Variants in LIN7C observed in about 807,000 individuals in gnomAD.
LIN7C encodes the protein lin-7 cell polarity scaffold C.
Under a neutral mutation model 24.7 loss-of-function variants are expected in LIN7C, and 17 were observed. The ratio of observed to expected loss-of-function variants is 0.69; its 90% CI spans 0.47 to 1.03. The LOEUF (loss-of-function observed/expected upper bound fraction) is 1.03, where lower values mean the gene tolerates loss of function less well. LIN7C is among the 50% of genes least tolerant of loss of function. LIN7C has a pLI of 0.00. For missense variants in LIN7C, 204 were observed against 239.0 expected (o/e 0.85, Z 0.97); for synonymous variants, 90 against 83.4 (o/e 1.08, Z -0.43).
intron 3 of LIN7C, among the ~76,000 whole-genome samples, chr11:27,499,829 A>G (rs1190649656): frequency 1.3e-5 from 2 of 152,058 alleles, no homozygotes; most frequent in African/African-American, 2.4e-5. Flanking sequence ...GGGTTTCACC[A>G]CATTAGCCAG....
intron 1 of LIN7C, among the ~76,000 whole-genome samples, chr11:27,503,333 C>T (rs1204198680): frequency 1.3e-5 from 2 of 152,120 alleles, no homozygotes; most frequent in African/African-American, 4.8e-5. Context: ...TTTTGGTATA[C>T]TGTTTTTGTA....
rs937340188 is a variant in LIN7C, at chr11:27,494,946, T to C, written c.*3703A>G. On this transcript the variant is annotated 3_prime_UTR_variant, in exon 5 of 5. Transcript: ENST00000278193. ...GAAATACAATTACTAGAATCCTTGA[T>C]ATTTCAATGATCATTCCACATTATA... is the stretch of plus-strand genomic sequence containing the variant. 6.6e-6 allele frequency: 1 copy of C among 152,634 alleles called. No homozygotes were observed. Among genetic ancestry groups the C allele is most frequent in the African/African-American group, 2.4e-5 (1 of 41,470 alleles). The allele number at this position is 152,634 out of a possible 1,614,324, so 9.5% of individuals were successfully genotyped here. A position where few individuals can be genotyped will look rare whatever the true frequency, so the allele number is the denominator to read the frequency against.
chr11:27,506,144 A>G (rs1218290610), intron 1 of LIN7C, among the ~76,000 whole-genome samples: 1 of 152,086 alleles, frequency 6.6e-6, no homozygotes, highest in Non-Finnish European at 1.5e-5. Context: ...TACTTACGTA[A>G]CCTCCTTCCC....
chr11:27,506,579 C>A (rs1337395010), intron 1 of LIN7C, 137 bp downstream of exon 1: 1 of 920,712 alleles, frequency 1.1e-6, no homozygotes, highest in Admixed American at 2.0e-5. Flanking sequence ...GGCACAGAGA[C>A]AACGGCGGCC....
In LIN7C at chr11:27,496,873, CAAT is replaced by C. The variant is rs1304750376; in HGVS notation, c.*1773_*1775del. On this transcript the variant is annotated 3_prime_UTR_variant, in exon 5 of 5. Transcript: ENST00000278193. ...CTGAAATGCAAGAATACAAGCATAA[CAAT>C]AATATTACTGTTTTTATATGCACCA... 2 of 152,456 alleles carry C rather than the reference CAAT, an allele frequency of 1.3e-5. No homozygotes were observed. Among genetic ancestry groups the C allele is most frequent in the Non-Finnish European group, 2.9e-5 (2 of 67,974 alleles). 9.4% of individuals were successfully genotyped at this position (152,456 alleles called of 1,614,324 possible). A position where few individuals can be genotyped will look rare whatever the true frequency, so the allele number is the denominator to read the frequency against.
rs1865192622 is a variant in LIN7C, at chr11:27,498,577, C to T, written c.*72G>A. On this transcript the variant is annotated 3_prime_UTR_variant, in exon 5 of 5. Transcript: ENST00000278193. Reference sequence around the variant, plus strand: ...TGTTTTCTTACAATCATTGGCATTGCAGCCATTAGTAAGTCACAAGGAAAA... The same window carrying T: ...TGTTTTCTTACAATCATTGGCATTGTAGCCATTAGTAAGTCACAAGGAAAA... 11 of 1,349,016 alleles carry T rather than the reference C, an allele frequency of 8.2e-6. No individual in the cohort carries two copies. The highest frequency in any genetic ancestry group is 2.4e-5 in the East Asian group (1 of 42,526). The allele number at this position is 1,349,016 out of a possible 1,614,324, so 83.6% of individuals were successfully genotyped here.
In LIN7C at chr11:27,498,776, G is replaced by T. The variant is rs1865194650; in HGVS notation, c.467C>A (p.Ala156Asp). The change falls in exon 5 of 5, where the codon GCT (alanine) becomes GAT (aspartate). Residue 156 changes from alanine to aspartate, a missense_variant. Ala to Asp is a moderately radical substitution (Grantham distance 126). Around this residue, in one of 3 missense-constraint regions of LIN7C, gnomAD observed 74 missense variants for 99.6 expected, o/e 0.74. Transcript: ENST00000278193. ...TTGTGCGGCTTTCAGCAGTTCTACA[G>T]CTTTTTCATGATGTTCTCCTTCAAC... ...VSVEGEHHEK[A>D]VELLKAAQGK... is the part of the protein sequence containing the mutation. The T allele has an allele frequency of 6.2e-7, 1 of 1,613,508 alleles. No individual in the cohort carries two copies. Among genetic ancestry groups the T allele is most frequent in the Admixed American group, 1.7e-5 (1 of 59,948 alleles).
In LIN7C at chr11:27,497,956, A is replaced by G. The variant is rs1411117439; in HGVS notation, c.*693T>C. The G allele has an allele frequency of 6.6e-6, 1 of 152,198 alleles. No individual in the cohort carries two copies. Among genetic ancestry groups the G allele is most frequent in the Non-Finnish European group, 1.5e-5 (1 of 68,002 alleles). 9.4% of individuals were successfully genotyped at this position (152,198 alleles called of 1,614,324 possible). On this transcript the variant is annotated 3_prime_UTR_variant, in exon 5 of 5. Coordinates refer to ENST00000278193, the MANE Select transcript of LIN7C (RefSeq NM_018362.4). ...CCTCTTGCCTCAATGCTCAAATATT[A>G]AGAATATGTATTTTAGCAATGATTG...
chr11:27,495,364 A>C lies in LIN7C; in HGVS notation c.*3285T>G, dbSNP rs1865154776. 6.6e-6 allele frequency: 1 copy of C among 152,222 alleles called. No homozygotes were observed. Among genetic ancestry groups the C allele is most frequent in the African/African-American group, 2.4e-5 (1 of 41,400 alleles). The allele number at this position is 152,222 out of a possible 1,614,324, so 9.4% of individuals were successfully genotyped here. A position where few individuals can be genotyped will look rare whatever the true frequency, so the allele number is the denominator to read the frequency against. On this transcript the variant is annotated 3_prime_UTR_variant, in exon 5 of 5. Coordinates refer to ENST00000278193, the MANE Select transcript of LIN7C (RefSeq NM_018362.4). ...ACGCCTGTAGTCCTAGCTACTCGGG[A>C]GGCTGAGGCAGGAGAATTGCTTGAA...
chr11:27,498,905 T>TA, intron 4 of LIN7C, 101 bp from the exon 5 acceptor site: 2 of 974,086 alleles, frequency 2.1e-6, no homozygotes, highest in Admixed American at 2.7e-5. Flanking sequence ...AGAAAAGTTT[T>TA]AATGTTATAT....
Position 27,498,693 on chromosome 11 carries a change from G to T in LIN7C, c.550C>A (p.Arg184Ser), listed in dbSNP as rs1305337388. 1 of 1,613,630 alleles carries T rather than the reference G, an allele frequency of 6.2e-7. No homozygotes were observed. Residue 184 changes from arginine (R) to serine (S), a missense_variant, in exon 5 of 5, where the codon CGC becomes AGC. Around this residue, in one of 3 missense-constraint regions of LIN7C, gnomAD observed 74 missense variants for 99.6 expected, o/e 0.74. Transcript: ENST00000278193. Reference sequence around the variant, plus strand: ...TTTGCTGATCTCATTTTTTCAAAGCGCGACTCCATTTCTTCTAAGACTTTG... The same window carrying T: ...TTTGCTGATCTCATTTTTTCAAAGCTCGACTCCATTTCTTCTAAGACTTTG... ...TPKVLEEMES[R>S]FEKMRSAKRR...
At chr11:27,501,375 G>T in intron 3 of LIN7C, 120 bp downstream of exon 3, 1 of 659,302 alleles carries the variant, frequency 1.5e-6, no homozygotes, top group East Asian at 3.0e-5. Flanking sequence ...TGAGAAATTT[G>T]GTGTAGCTTG....
At chr11:27,501,369 AAAT>A in intron 3 of LIN7C, 123 bp downstream of exon 3, 1 of 650,462 alleles carries the variant, frequency 1.5e-6, no homozygotes, top group Non-Finnish European at 2.7e-6. Flanking sequence ...AGTACTTGAG[AAAT>A]TTGGTGTAGC....
intron 3 of LIN7C, among the ~76,000 whole-genome samples, chr11:27,500,879 T>C (rs375012340): frequency 6.6e-6 from 1 of 152,200 alleles, no homozygotes; most frequent in South Asian, 2.1e-4. Flanking sequence ...TTTCCTTTTG[T>C]GAGCCAGTAA....
chr11:27,501,981 A>C (rs1865230661), intron 1 of LIN7C, 61 bp from the exon 2 acceptor site: 1 of 986,878 alleles, frequency 1.0e-6, no homozygotes, highest in African/African-American at 1.6e-5. Context: ...CCTATGTAAC[A>C]GTGGGGCAGT....
At chr11:27,505,103 C>T (rs1018040198) in intron 1 of LIN7C, among the ~76,000 whole-genome samples, 4 of 152,088 alleles carry the variant, frequency 2.6e-5, no homozygotes, top group African/African-American at 9.7e-5. Flanking sequence ...GAAGCCGAGG[C>T]GGGCGGACTT....
chr11:27,498,825 C>T, intron 4 of LIN7C, 21 bp from the exon 5 acceptor site: 1 of 1,598,528 alleles, frequency 6.3e-7, no homozygotes. Context: ...AAAAAACAAC[C>T]AACCATACAC....
chr11:27,500,195 T>C (rs1361148983), intron 3 of LIN7C, among the ~76,000 whole-genome samples: 1 of 152,122 alleles, frequency 6.6e-6, no homozygotes, highest in Non-Finnish European at 1.5e-5. Flanking sequence ...ATATTGTACA[T>C]GGTAAGGAGG....
rs1212272853 is a variant in LIN7C, at chr11:27,502,023, C to T, written c.38-103G>A. The T allele has an allele frequency of 1.3e-5, 9 of 697,344 alleles. No individual in the cohort carries two copies. In the African/African-American group the frequency reaches 1.4e-4, roughly 11 times the overall value. The allele number at this position is 697,344 out of a possible 1,614,324, so 43.2% of individuals were successfully genotyped here. A position where few individuals can be genotyped will look rare whatever the true frequency, so the allele number is the denominator to read the frequency against. On this transcript the variant is annotated intron_variant, in intron 1 of 4. Coordinates refer to ENST00000278193, the MANE Select transcript of LIN7C (RefSeq NM_018362.4). ...TCATTCCTCAAGGGCAAATAATATA[C>T]AGACAATCGAGGGGAAAAAAAGCAT...
Sources: allele counts gnomAD v4.1 joint callset (sites outside exome capture counted in the v4.1 genomes callset), GRCh38; gene constraint gnomAD v4.1.1; regional missense constraint gnomAD v4.1.1; transcripts MANE v1.5; gene names NCBI Gene and HGNC (gene_info 2026-07-23, HGNC 2026-07-21).